RAP1GAP2: variants seen among roughly 807,000 people sequenced by gnomAD.
RAP1GAP2 encodes RAP1 GTPase activating protein 2.
In RAP1GAP2, 27 loss-of-function variants were observed where a neutral mutation model predicts 95.0. The ratio of observed to expected loss-of-function variants is 0.28; its 90% CI spans 0.21 to 0.39. The LOEUF is 0.39. Ranked by LOEUF, RAP1GAP2 falls within the 10% of genes least tolerant of loss-of-function variation. The pLI is 1.00. For synonymous variants in RAP1GAP2, 373 were observed against 380.9 expected, an observed-to-expected ratio of 0.98 and a Z score of 0.24; for missense variants, 771 against 970.0, an observed-to-expected ratio of 0.79 and a Z score of 2.72.
At chr17:2,775,929 A>G (rs1177199876), upstream of RAP1GAP2, among the ~76,000 whole-genome samples, 1 of 152,216 alleles carries the variant, frequency 6.6e-6, no homozygotes, top group Non-Finnish European at 1.5e-5. Context: ...CTGTCATCTC[A>G]GCACTTTGGG....
Position 2,965,454 on chromosome 17 carries a change from T to G in RAP1GAP2, c.493-86T>G. On this transcript the variant is annotated intron_variant, in intron 7 of 24. Coordinates refer to ENST00000254695, the MANE Select transcript of RAP1GAP2 (RefSeq NM_015085.5). The surrounding 1 kb of genome is among the most constrained non-coding windows in gnomAD (Gnocchi z 4.7). ...CTTCTCTTCCTTGTTGCTGTGGGGC[T>G]TCTCCTGGTGAAGGAGGTGGTTTAG... 2.1e-6 allele frequency: 2 copies of G among 959,738 alleles called. No homozygotes were observed. The highest frequency in any genetic ancestry group is 3.2e-6 in the Non-Finnish European group (2 of 621,094). 59.5% of individuals were successfully genotyped at this position (959,738 alleles called of 1,614,324 possible). A position where few individuals can be genotyped will look rare whatever the true frequency, so the allele number is the denominator to read the frequency against.
intron 2 of RAP1GAP2, among the ~76,000 whole-genome samples, chr17:2,885,028 CTTT>C (rs891984333): frequency 1.3e-4 from 15 of 112,494 alleles, no homozygotes; most frequent in Admixed American, 9.4e-4. Context: ...TTATTTCTTT[CTTT>C]TTTTTTTTTT....
intron 24 of RAP1GAP2, among the ~76,000 whole-genome samples, 162 bp downstream of exon 24, chr17:3,032,611 A>AG (rs1253524426): frequency 6.6e-6 from 1 of 152,128 alleles, no homozygotes; most frequent in Non-Finnish European, 1.5e-5. Flanking sequence ...GCAATGGGGA[A>AG]GGAGGGGCAG....
At chr17:2,979,006 TA>T (rs71377563) in intron 8 of RAP1GAP2, among the ~76,000 whole-genome samples, 1 of 151,216 alleles carries the variant, frequency 6.6e-6, no homozygotes, top group East Asian at 1.9e-4. Context: ...ATAAAAAAAA[TA>T]AAAAAATTCA....
intron 2 of RAP1GAP2, among the ~76,000 whole-genome samples, chr17:2,822,249 C>A (rs1441061237): frequency 6.6e-6 from 1 of 152,204 alleles, no homozygotes; most frequent in Non-Finnish European, 1.5e-5. Context: ...TTCACACATA[C>A]AGCCTCATTC....
upstream of RAP1GAP2, among the ~76,000 whole-genome samples, chr17:2,774,974 A>G (rs903123530): frequency 1.4e-5 from 2 of 147,530 alleles, no homozygotes; most frequent in Non-Finnish European, 3.0e-5. Flanking sequence ...GCATGCGCCA[A>G]TATGCCCTGC....
chr17:2,945,417 C>A (rs550143872), intron 3 of RAP1GAP2, among the ~76,000 whole-genome samples: 1 of 152,096 alleles, frequency 6.6e-6, no homozygotes, highest in Admixed American at 6.5e-5. Context: ...TGTGTTGGAA[C>A]GTCTCATCTG....
intron 1 of RAP1GAP2, among the ~76,000 whole-genome samples, chr17:2,783,205 C>T (rs1016081967): frequency 2.0e-5 from 3 of 152,162 alleles, no homozygotes; most frequent in Middle Eastern, 3.2e-3. Context: ...GTGTCCGTCT[C>T]GTCTTGGCAG....
rs773498545 is a variant in RAP1GAP2, at chr17:2,998,242, G to A, written c.1066G>A (p.Gly356Arg). The change falls in exon 14 of 25, where the codon GGA becomes AGA. Residue 356 changes from glycine to arginine, a missense_variant. Gly to Arg is a moderately radical substitution (Grantham distance 125). Transcript: ENST00000254695. The stretch of plus-strand genomic sequence containing the variant: ...TTAGCTCCAGAGAAAGAGACACATT[G>A]GAAATGACATCGTGGCCATCATCTT... ...AQQLQRKRHI[G>R]NDIVAIIFQE... is the part of the protein sequence containing the mutation. The A allele has an allele frequency of 1.9e-6, 3 of 1,613,848 alleles. No individual in the cohort carries two copies. Among genetic ancestry groups the A allele is most frequent in the Non-Finnish European group, 2.5e-6 (3 of 1,179,850 alleles).
At chr17:2,839,961 G>A (rs1381128400) in intron 2 of RAP1GAP2, among the ~76,000 whole-genome samples, 2 of 151,656 alleles carry the variant, frequency 1.3e-5, no homozygotes, top group Non-Finnish European at 2.9e-5. Context: ...ACCACGCCCA[G>A]CTATTTTTGT....
chr17:2,899,228 G>A (rs1046874683), intron 2 of RAP1GAP2, among the ~76,000 whole-genome samples: 4 of 151,932 alleles, frequency 2.6e-5, no homozygotes, highest in African/African-American at 4.8e-5. Context: ...ATTTTGAGAC[G>A]GAGTCTCACT....
At position 2,895,646 on chromosome 17, in the gene RAP1GAP2, G is replaced by A. The variant is rs185655450; in HGVS notation, c.81-9638G>A. Among the ~76,000 whole-genome samples, 15 of 151,750 alleles carry A rather than the reference G, an allele frequency of 9.9e-5. No individual in the cohort carries two copies. The East Asian group carries it at 2.3e-3, about 24-fold the overall frequency. ...GGCTGGAGTGCAGTGGCGCGATCTC[G>A]GCTTACTGCAACCTCCGCCTCCCGG... On this transcript the variant is annotated intron_variant, in intron 2 of 24. Coordinates refer to ENST00000254695, the MANE Select transcript of RAP1GAP2 (RefSeq NM_015085.5).
intron 2 of RAP1GAP2, among the ~76,000 whole-genome samples, chr17:2,851,385 G>A (rs1471816012): frequency 6.6e-6 from 1 of 152,206 alleles, no homozygotes; most frequent in African/African-American, 2.4e-5. Flanking sequence ...GGTTGTTCCA[G>A]TCTCTGCTAT....
chr17:2,767,146 G>A (rs749722127), intron 1 of RAP1GAP2, among the ~76,000 whole-genome samples: 3 of 151,638 alleles, frequency 2.0e-5, no homozygotes, highest in Non-Finnish European at 4.4e-5. Context: ...GGTGGATCAC[G>A]AGGTCAGGAG....
At chr17:2,780,337 C>T (rs1287352477) in intron 1 of RAP1GAP2, among the ~76,000 whole-genome samples, 24 of 152,242 alleles carry the variant, frequency 1.6e-4, no homozygotes, top group Admixed American at 1.5e-3. Flanking sequence ...AGGCGGGAGC[C>T]GCCGCCTCTG....
chr17:3,011,802 A>G (rs1013194285), intron 17 of RAP1GAP2, among the ~76,000 whole-genome samples: 1 of 151,850 alleles, frequency 6.6e-6, no homozygotes, highest in Non-Finnish European at 1.5e-5. Context: ...TTGTATTTTT[A>G]GTAGGGACAC....
chr17:2,941,212 G>T (rs373683450), intron 3 of RAP1GAP2, among the ~76,000 whole-genome samples: 2 of 152,150 alleles, frequency 1.3e-5, no homozygotes, highest in East Asian at 3.9e-4. Flanking sequence ...GACCAGCCTG[G>T]CCAACGTGGT....
rs1567832939 is a variant in RAP1GAP2 at position 2,965,438 on chromosome 17, C to A, written c.493-102C>A. The A allele has an allele frequency of 1.2e-6, 1 of 845,914 alleles. No individual in the cohort carries two copies. The highest frequency in any genetic ancestry group is 1.9e-6 in the Non-Finnish European group (1 of 528,054). 52.4% of individuals were successfully genotyped at this position (845,914 alleles called of 1,614,324 possible). The stretch of plus-strand genomic sequence containing the variant: ...TGTCATCAGTAGCATCCTTCTCTTC[C>A]TTGTTGCTGTGGGGCTTCTCCTGGT... On this transcript the variant is annotated intron_variant, in intron 7 of 24. Transcript: ENST00000254695. This position sits in a 1 kb window ranked among gnomAD's most constrained non-coding sequence, Gnocchi z 4.7.
At chr17:2,923,530 C>T (rs996996186) in intron 3 of RAP1GAP2, among the ~76,000 whole-genome samples, 1 of 151,326 alleles carries the variant, frequency 6.6e-6, no homozygotes, top group Non-Finnish European at 1.5e-5. Context: ...GACAGGGTTT[C>T]ACCATGTTGG....
Sources: gnomAD v4.1 joint callset for allele counts (sites outside exome capture counted in the v4.1 genomes callset) on GRCh38, gnomAD v4.1.1 for gene constraint, Gnocchi (gnomAD v3.1) non-coding constraint, MANE v1.5 for transcripts, NCBI Gene and HGNC (gene_info 2026-07-23, HGNC 2026-07-21) for gene names.